HADH: variants seen among roughly 807,000 people sequenced by gnomAD.
The protein encoded by HADH is hydroxyacyl-CoA dehydrogenase, also known as hydroxyacyl-coenzyme A dehydrogenase, mitochondrial.
In HADH, 24 loss-of-function variants were observed where a neutral mutation model predicts 32.2. The observed-to-expected ratio is 0.75, with a 90% CI of 0.54 to 1.05. The LOEUF (loss-of-function observed/expected upper bound fraction) is 1.05. HADH is among the 50% of genes least tolerant of loss of function. HADH has a pLI of 0.00. For synonymous variants in HADH, 139 were observed against 152.5 expected, an observed-to-expected ratio of 0.91 and a Z score of 0.65; for missense variants, 350 against 397.1, an observed-to-expected ratio of 0.88 and a Z score of 1.01.
At chr4:107,991,036 C>A (rs1371108711) in intron 1 of HADH, among the ~76,000 whole-genome samples, 1 of 152,218 alleles carries the variant, frequency 6.6e-6, no homozygotes, top group Non-Finnish European at 1.5e-5. Flanking sequence ...CCACTGCACC[C>A]AGCCGGAACA....
intron 1 of HADH, chr4:108,004,559 T>G: frequency 1.9e-6 from 2 of 1,074,788 alleles, no homozygotes; most frequent in Non-Finnish European, 2.6e-6. Flanking sequence ...CAAATCAACA[T>G]GTAACCAAAA....
intron 1 of HADH, chr4:108,004,773 C>T: frequency 1.3e-6 from 2 of 1,535,844 alleles, no homozygotes; most frequent in South Asian, 2.4e-5. Flanking sequence ...AGCTGAAGAA[C>T]ATGTGTAGGA....
chr4:108,011,663 A>G (rs1157705310), intron 2 of HADH, among the ~76,000 whole-genome samples: 1 of 152,222 alleles, frequency 6.6e-6, no homozygotes, highest in Non-Finnish European at 1.5e-5. Context: ...TTATATACCT[A>G]CAAGTAGAAT....
intron 1 of HADH, among the ~76,000 whole-genome samples, chr4:108,009,139 G>T (rs1330314174): frequency 6.6e-6 from 1 of 152,184 alleles, no homozygotes; most frequent in Non-Finnish European, 1.5e-5. Flanking sequence ...TTGGGGACAG[G>T]AGTCTTTTTG....
intron 1 of HADH, among the ~76,000 whole-genome samples, chr4:107,990,743 CTT>C (rs553014808): frequency 1.9e-4 from 21 of 111,842 alleles, no homozygotes; most frequent in African/African-American, 6.2e-4. Flanking sequence ...AAGTCTCTCT[CTT>C]TTTTTTTTTT....
intron 1 of HADH, among the ~76,000 whole-genome samples, chr4:108,001,789 A>G (rs1735126480): frequency 1.3e-5 from 2 of 152,372 alleles, no homozygotes; most frequent in South Asian, 2.1e-4. Context: ...TCAGAATGAC[A>G]TGCAATTTAA....
intron 2 of HADH, among the ~76,000 whole-genome samples, chr4:108,013,504 A>G (rs949528609): frequency 6.6e-6 from 1 of 151,908 alleles, no homozygotes; most frequent in African/African-American, 2.4e-5. Context: ...AGAAGTCTAT[A>G]CTCCTGAGGT....
intron 5 of HADH, chr4:108,026,524 A>G (rs1736075411): frequency 1.3e-5 from 2 of 152,184 alleles, no homozygotes; most frequent in African/African-American, 2.4e-5. Context: ...TTGTTCCATA[A>G]TCTTAATTAA....
At chr4:108,013,265 C>T (rs554778094) in intron 2 of HADH, among the ~76,000 whole-genome samples, 1 of 152,214 alleles carries the variant, frequency 6.6e-6, no homozygotes, top group South Asian at 2.1e-4. Context: ...GTAGTGGGAC[C>T]CCATGCAGGG....
intron 2 of HADH, among the ~76,000 whole-genome samples, chr4:108,013,785 A>G (rs1735587639): frequency 6.6e-6 from 1 of 152,108 alleles, no homozygotes; most frequent in Non-Finnish European, 1.5e-5. Context: ...GGCATCTTAG[A>G]TATATTGGGT....
chr4:108,033,387 A>G, intron 7 of HADH, 95 bp downstream of exon 7: 1 of 773,824 alleles, frequency 1.3e-6, no homozygotes, highest in South Asian at 1.4e-5. Flanking sequence ...AGGGGTCTTA[A>G]TAAAGACCTT....
intron 1 of HADH, among the ~76,000 whole-genome samples, chr4:108,009,011 C>T (rs3796989): frequency 1.3e-5 from 2 of 152,154 alleles, no homozygotes; most frequent in East Asian, 3.9e-4. Flanking sequence ...AAACATTCCC[C>T]TTACCCTAGG....
chr4:108,000,363 C>T (rs1398711713), intron 1 of HADH, among the ~76,000 whole-genome samples: 1 of 152,158 alleles, frequency 6.6e-6, no homozygotes. Context: ...TCAAGTGTAT[C>T]ATTCATCTTT....
In HADH at chr4:107,990,049, C is replaced by G; in HGVS notation, c.117C>G (p.Gly39=). The G allele has an allele frequency of 1.9e-6, 3 of 1,610,090 alleles. No individual in the cohort carries two copies. Among genetic ancestry groups the G allele is most frequent in the African/African-American group, 2.7e-5 (2 of 74,978 alleles). The stretch of plus-strand genomic sequence containing the variant: ...CGGTCATCGGCGGCGGGCTGATGGG[C>G]GCCGGCATTGCCCAGGTGAGCGGCC... The part of the protein sequence containing the change: ...HVTVIGGGLM[G]AGIAQVAAAT... Residue 39 remains glycine (G), a synonymous_variant, in exon 1 of 8, where the codon GGC becomes GGG. Coordinates refer to ENST00000309522, the MANE Select transcript of HADH (RefSeq NM_005327.7).
At chr4:108,027,547 T>C in intron 5 of HADH, 141 bp from the exon 6 acceptor site, 1 of 721,300 alleles carries the variant, frequency 1.4e-6, no homozygotes, top group East Asian at 2.6e-5. Flanking sequence ...AATAAGGCCA[T>C]GCTGCAAATT....
intron 1 of HADH, among the ~76,000 whole-genome samples, chr4:107,994,084 G>A (rs1453033329): frequency 1.3e-5 from 2 of 152,120 alleles, no homozygotes; most frequent in Non-Finnish European, 2.9e-5. Flanking sequence ...TGGGCTCCCT[G>A]GGAACGGGGC....
intron 6 of HADH, chr4:108,030,420 A>G (rs1736221159): frequency 6.6e-6 from 1 of 152,304 alleles, no homozygotes; most frequent in Non-Finnish European, 1.5e-5. Context: ...CCTCATCTTC[A>G]TATGTCCCAA....
chr4:108,034,611 C>T lies in HADH; in HGVS notation c.*254C>T. Reference sequence around the variant, plus strand: ...TCTAAACAGCTTTACACCCTTGGTGCCTTGGAGCAAACATGTTTTTTGAAC... The same window carrying T: ...TCTAAACAGCTTTACACCCTTGGTGTCTTGGAGCAAACATGTTTTTTGAAC... On this transcript the variant is annotated 3_prime_UTR_variant, in exon 8 of 8. Coordinates refer to ENST00000309522, the MANE Select transcript of HADH (RefSeq NM_005327.7). The T allele has an allele frequency of 2.4e-6, 1 of 416,176 alleles. No homozygotes were observed. The highest frequency in any genetic ancestry group is 4.6e-6 in the Non-Finnish European group (1 of 219,230). 25.8% of individuals were successfully genotyped at this position (416,176 alleles called of 1,614,324 possible). A position where few individuals can be genotyped will look rare whatever the true frequency, so the allele number is the denominator to read the frequency against.
In HADH at chr4:107,990,063, A is replaced by G. The variant is rs1361259341; in HGVS notation, c.131A>G (p.Gln44Arg). ...GGGCTGATGGGCGCCGGCATTGCCC[A>G]GGTGAGCGGCCCTCCCTGCAGCGTG... ...GGGLMGAGIAQVAAATGHTVV... is the reference protein window; with the variant it reads ...GGGLMGAGIARVAAATGHTVV... The change falls in exon 1 of 8, where the codon CAG becomes CGG. Residue 44 changes from glutamine to arginine, a missense_variant and splice_region_variant. Gln to Arg is a conservative substitution (Grantham distance 43, BLOSUM62 1). Transcript: ENST00000309522. The G allele has an allele frequency of 1.2e-6, 2 of 1,608,398 alleles. No individual in the cohort carries two copies. Among genetic ancestry groups the G allele is most frequent in the Non-Finnish European group, 8.5e-7 (1 of 1,178,452 alleles).
Sources: allele counts gnomAD v4.1 joint callset (sites outside exome capture counted in the v4.1 genomes callset), GRCh38; gene constraint gnomAD v4.1.1; transcripts MANE v1.5; gene names NCBI Gene and HGNC (gene_info 2026-07-23, HGNC 2026-07-21).